The following BICC1 variants were observed in gnomAD, a reference collection of about 807,000 sequenced individuals.
BICC1 encodes protein bicaudal C homolog 1.
BICC1 carries 43 observed loss-of-function variants against 111.0 expected under a neutral mutation model. That is an observed-to-expected ratio of 0.39 (90% CI 0.30 to 0.50). The LOEUF (loss-of-function observed/expected upper bound fraction) is 0.50. BICC1 is among the 20% of genes least tolerant of loss of function. The pLI is 0.88. For synonymous variants in BICC1, 467 were observed against 434.4 expected (o/e 1.07, Z -0.93); for missense variants, 1,091 against 1,203.2 (o/e 0.91, Z 1.38).
intron 1 of BICC1, among the ~76,000 whole-genome samples, chr10:58,541,850 AAGAC>A (rs3999633): frequency 1 from 151,975 of 151,978 alleles, 75,986 homozygotes; most frequent in Non-Finnish European, 1. Flanking sequence ...TAGTGGAATA[AAGAC>A]AGACAGACAT....
intron 3 of BICC1, among the ~76,000 whole-genome samples, chr10:58,769,402 G>GTATATA (rs879547814): frequency 1.5e-4 from 17 of 112,248 alleles, no homozygotes; most frequent in South Asian, 3.3e-4. Flanking sequence ...GTGTGTGTGT[G>GTATATA]TGTATATATA....
At chr10:58,524,627 T>A (rs1842480884) in intron 1 of BICC1, among the ~76,000 whole-genome samples, 2 of 152,136 alleles carry the variant, frequency 1.3e-5, no homozygotes, top group South Asian at 2.1e-4. Flanking sequence ...AACCTAGGCA[T>A]TACCATTCAG....
rs770038583 is a variant in BICC1 at position 58,803,119 on chromosome 10, C to T, written c.2058C>T (p.Thr686=). ...RLLSDPELSA[T]ESPLADKKAP... is the part of the protein sequence containing the mutation. ...TCTCAGACCCTGAACTGAGTGCTAC[C>T]GAAAGCCCTTTGGCTGACAAGAAGG... The change falls in exon 15 of 21, where the codon ACC becomes ACT. Residue 686 remains threonine, a synonymous_variant. Coordinates refer to ENST00000373886, the MANE Select transcript of BICC1 (RefSeq NM_001080512.3). 71 of 1,609,114 alleles carry T rather than the reference C, an allele frequency of 4.4e-5. No homozygotes were observed. In the Admixed American group the frequency reaches 6.7e-4, roughly 15 times the overall value.
intron 3 of BICC1, among the ~76,000 whole-genome samples, chr10:58,756,051 T>G (rs140253000): frequency 6.6e-6 from 1 of 152,338 alleles, no homozygotes; most frequent in African/African-American, 2.4e-5. Context: ...TGCCTCTTCT[T>G]ATCCTGGGAA....
At chr10:58,595,037 A>T (rs1400090979) in intron 1 of BICC1, among the ~76,000 whole-genome samples, 1 of 152,204 alleles carries the variant, frequency 6.6e-6, no homozygotes, top group Non-Finnish European at 1.5e-5. Context: ...TTACCAAGCA[A>T]ATGGAAAGCA....
intron 3 of BICC1, among the ~76,000 whole-genome samples, chr10:58,726,245 C>A (rs1174575236): frequency 6.6e-5 from 10 of 152,084 alleles, no homozygotes; most frequent in Admixed American, 6.5e-4. Flanking sequence ...AATCATTTAA[C>A]CAGTTTTAAT....
At chr10:58,694,879 G>C (rs1395642443) in intron 2 of BICC1, among the ~76,000 whole-genome samples, 1 of 152,110 alleles carries the variant, frequency 6.6e-6, no homozygotes, top group Non-Finnish European at 1.5e-5. Flanking sequence ...GGAGCTTTCA[G>C]AGTGACCTCC....
chr10:58,598,207 C>G (rs75378037), intron 1 of BICC1, among the ~76,000 whole-genome samples: 74 of 152,160 alleles, frequency 4.9e-4, no homozygotes, highest in African/African-American at 1.7e-3. Flanking sequence ...CAAGACAGTC[C>G]TGGGCAAGAA....
chr10:58,623,545 A>G (rs1845893062), intron 2 of BICC1, among the ~76,000 whole-genome samples: 1 of 152,182 alleles, frequency 6.6e-6, no homozygotes, highest in Non-Finnish European at 1.5e-5. Context: ...CCCCAACAAT[A>G]TAGTGTCTTA....
intron 1 of BICC1, among the ~76,000 whole-genome samples, chr10:58,539,369 G>A (rs1339508565): frequency 6.6e-6 from 1 of 151,472 alleles, no homozygotes; most frequent in East Asian, 2.0e-4. Context: ...GTGGTATAAT[G>A]TACATTGGAG....
intron 1 of BICC1, among the ~76,000 whole-genome samples, chr10:58,543,948 C>T (rs545091779): frequency 2.0e-5 from 3 of 151,498 alleles, no homozygotes; most frequent in South Asian, 4.2e-4. Context: ...ACTACTCAAA[C>T]GTTTTAAAAG....
intron 2 of BICC1, among the ~76,000 whole-genome samples, chr10:58,683,136 G>A (rs931808437): frequency 2.0e-5 from 3 of 152,168 alleles, no homozygotes; most frequent in African/African-American, 7.2e-5. Flanking sequence ...TTATTAAATA[G>A]GGAATCCTTT....
chr10:58,613,097 T>TA (rs1163075401), intron 1 of BICC1, among the ~76,000 whole-genome samples: 2 of 152,182 alleles, frequency 1.3e-5, no homozygotes, highest in Non-Finnish European at 2.9e-5. Context: ...ATAATAAACA[T>TA]AAAAAATGAA....
At chr10:58,536,951 C>T (rs538534497) in intron 1 of BICC1, among the ~76,000 whole-genome samples, 19 of 151,738 alleles carry the variant, frequency 1.3e-4, no homozygotes, top group African/African-American at 3.4e-4. Context: ...GAAAATCTAG[C>T]GGAAATGGAT....
chr10:58,627,751 C>CGGG (rs2132162343), intron 2 of BICC1, among the ~76,000 whole-genome samples: 1 of 152,052 alleles, frequency 6.6e-6, no homozygotes, highest in South Asian at 2.1e-4. Context: ...TATATCTTAG[C>CGGG]GGGGGCATAG....
At chr10:58,739,779 G>A (rs1385529710) in intron 3 of BICC1, among the ~76,000 whole-genome samples, 1 of 151,996 alleles carries the variant, frequency 6.6e-6, no homozygotes, top group African/African-American at 2.4e-5. Context: ...TTTTCCCTCT[G>A]TTAGGAAATA....
At chr10:58,534,765 A>G (rs552531781) in intron 1 of BICC1, among the ~76,000 whole-genome samples, 1 of 151,900 alleles carries the variant, frequency 6.6e-6, no homozygotes, top group African/African-American at 2.4e-5. Flanking sequence ...GAAACACCAG[A>G]TAAAAATTCA....
chr10:58,533,207 A>G (rs1842727032), intron 1 of BICC1, among the ~76,000 whole-genome samples: 1 of 151,932 alleles, frequency 6.6e-6, no homozygotes, highest in Middle Eastern at 3.2e-3. Flanking sequence ...TCATCAAACA[A>G]GGACAAATTT....
At chr10:58,547,126 A>G (rs576996704) in intron 1 of BICC1, among the ~76,000 whole-genome samples, 7 of 152,318 alleles carry the variant, frequency 4.6e-5, no homozygotes, top group African/African-American at 1.7e-4. Flanking sequence ...TTAATTAATG[A>G]GCCAGTAATG....
Sources: allele counts gnomAD v4.1 joint callset (sites outside exome capture counted in the v4.1 genomes callset), GRCh38; gene constraint gnomAD v4.1.1; transcripts MANE v1.5; gene names NCBI Gene and HGNC (gene_info 2026-07-23, HGNC 2026-07-21).